The following PDZRN4 variants were observed in gnomAD, a reference collection of about 807,000 sequenced individuals.
PDZRN4 encodes the protein PDZ domain-containing RING finger protein 4.
A neutral mutation model predicts 99.0 loss-of-function variants in PDZRN4; 70 were observed. The observed-to-expected ratio is 0.71, with a 90% CI of 0.58 to 0.86. PDZRN4 has a LOEUF of 0.86. PDZRN4 is among the 40% of genes least tolerant of loss of function. PDZRN4 has a pLI of 0.00. For missense variants in PDZRN4, 1,474 were observed against 1,331.2 expected, an observed-to-expected ratio of 1.11 and a Z score of -1.67; for synonymous variants, 551 against 501.6, an observed-to-expected ratio of 1.10 and a Z score of -1.32.
Position 41,574,393 on chromosome 12 carries a change from A to G in PDZRN4, c.*503A>G, listed in dbSNP as rs935841578. On this transcript the variant is annotated 3_prime_UTR_variant, in exon 10 of 10. Transcript: ENST00000402685. The stretch of plus-strand genomic sequence containing the variant: ...TAAAAGCCACTGCTTTTAACATCCC[A>G]TTGTACATTTAACACATAAATGGTG... 1 of 152,894 alleles carries G rather than the reference A, an allele frequency of 6.5e-6. No individual in the cohort carries two copies. The highest frequency in any genetic ancestry group is 1.9e-4 in the East Asian group (1 of 5,204). The allele number at this position is 152,894 out of a possible 1,614,324, so 9.5% of individuals were successfully genotyped here.
intron 5 of PDZRN4, among the ~76,000 whole-genome samples, chr12:41,551,059 CA>C (rs1216392292): frequency 6.6e-6 from 1 of 152,088 alleles, no homozygotes; most frequent in Non-Finnish European, 1.5e-5. Context: ...GCTGCTATAA[CA>C]AAATACCATG....
At chr12:41,322,490 T>TTTC (rs1951686075) in intron 3 of PDZRN4, among the ~76,000 whole-genome samples, 1 of 80,714 alleles carries the variant, frequency 1.2e-5, no homozygotes, top group South Asian at 5.1e-4. Context: ...TTCTTTCCTT[T>TTTC]TTTTTTTTTT....
chr12:41,268,084 A>G (rs1461535595), intron 3 of PDZRN4, among the ~76,000 whole-genome samples: 1 of 152,032 alleles, frequency 6.6e-6, no homozygotes, highest in African/African-American at 2.4e-5. Flanking sequence ...GGTTTCTGTT[A>G]TACTAAGTTC....
chr12:41,350,194 C>A (rs1361496954), intron 3 of PDZRN4, among the ~76,000 whole-genome samples: 1 of 152,004 alleles, frequency 6.6e-6, no homozygotes, highest in Non-Finnish European at 1.5e-5. Context: ...AGACATATCC[C>A]CTGCTATCAA....
At chr12:41,499,569 A>G (rs1938074218) in intron 3 of PDZRN4, among the ~76,000 whole-genome samples, 2 of 152,094 alleles carry the variant, frequency 1.3e-5, no homozygotes, top group Non-Finnish European at 2.9e-5. Context: ...GGAAGAGAAA[A>G]TACAGAAGGA....
At chr12:41,259,331 C>G (rs1022849820) in intron 3 of PDZRN4, among the ~76,000 whole-genome samples, 3 of 151,892 alleles carry the variant, frequency 2.0e-5, no homozygotes, top group Non-Finnish European at 4.4e-5. Context: ...AATACAAATA[C>G]ATAGAAAGAA....
intron 3 of PDZRN4, among the ~76,000 whole-genome samples, chr12:41,382,049 A>C (rs1185769666): frequency 2.0e-5 from 3 of 152,080 alleles, no homozygotes; most frequent in African/African-American, 4.8e-5. Flanking sequence ...TGAGCTCTGC[A>C]TTCAGGCTTG....
intron 3 of PDZRN4, among the ~76,000 whole-genome samples, chr12:41,487,827 G>T (rs1937804222): frequency 6.6e-6 from 1 of 152,150 alleles, no homozygotes; most frequent in Non-Finnish European, 1.5e-5. Context: ...AATGTCTACT[G>T]CTTCTTAAAG....
intron 3 of PDZRN4, among the ~76,000 whole-genome samples, chr12:41,331,765 T>G (rs1263536490): frequency 6.6e-6 from 1 of 152,038 alleles, no homozygotes; most frequent in African/African-American, 2.4e-5. Flanking sequence ...CACCTCTTTA[T>G]AGGGCGGCAG....
intron 5 of PDZRN4, among the ~76,000 whole-genome samples, chr12:41,539,634 A>T (rs973927259): frequency 6.6e-6 from 1 of 152,172 alleles, no homozygotes; most frequent in African/African-American, 2.4e-5. Context: ...CTGCTTCAGT[A>T]ACCAGCTGAT....
chr12:41,234,367 A>G (rs1189667641), intron 3 of PDZRN4, among the ~76,000 whole-genome samples: 1 of 152,152 alleles, frequency 6.6e-6, no homozygotes, highest in Non-Finnish European at 1.5e-5. Context: ...GTTATCTTAG[A>G]AAAGTTCAAA....
chr12:41,525,384 G>A (rs1172262862), intron 5 of PDZRN4, among the ~76,000 whole-genome samples: 2 of 152,082 alleles, frequency 1.3e-5, no homozygotes, highest in Non-Finnish European at 2.9e-5. Flanking sequence ...CTGACACTCA[G>A]GTTCTTTACC....
intron 3 of PDZRN4, among the ~76,000 whole-genome samples, chr12:41,401,636 G>A (rs1274190866): frequency 6.6e-6 from 1 of 152,018 alleles, no homozygotes; most frequent in Non-Finnish European, 1.5e-5. Context: ...TTGTGCAAAT[G>A]CTTCCATACT....
chr12:41,189,255 T>G (rs1483086120), intron 1 of PDZRN4, among the ~76,000 whole-genome samples, 152 bp downstream of exon 1: 1 of 152,134 alleles, frequency 6.6e-6, no homozygotes. Context: ...TTTCCTGTCA[T>G]TATCTTACGA....
chr12:41,452,638 C>T (rs1359796875), intron 3 of PDZRN4, among the ~76,000 whole-genome samples: 1 of 151,972 alleles, frequency 6.6e-6, no homozygotes, highest in African/African-American at 2.4e-5. Flanking sequence ...CCCACAGAGT[C>T]AAACTCTTTA....
intron 3 of PDZRN4, among the ~76,000 whole-genome samples, chr12:41,421,433 T>C (rs1291622927): frequency 1.3e-5 from 2 of 152,158 alleles, no homozygotes; most frequent in Non-Finnish European, 2.9e-5. Context: ...CCTCAGATGA[T>C]CCACCTACCT....
Position 41,195,084 on chromosome 12 carries a change from G to A in PDZRN4, c.843+896G>A, listed in dbSNP as rs2120645815. Among the ~76,000 whole-genome samples the A allele has an allele frequency of 1.3e-5, 2 of 152,176 alleles. 1 individual carries two copies. The highest frequency in any genetic ancestry group is 4.2e-4 in the South Asian group (2 of 4,818). Reference sequence around the variant, plus strand: ...GTTTTAACTGTATTGTTGTATTCGGGGGTGATAAAGTGAGCACCTATATGC... The same window carrying A: ...GTTTTAACTGTATTGTTGTATTCGGAGGTGATAAAGTGAGCACCTATATGC... On this transcript the variant is annotated intron_variant, in intron 3 of 9. Coordinates refer to ENST00000402685, the MANE Select transcript of PDZRN4 (RefSeq NM_001164595.2).
intron 3 of PDZRN4, among the ~76,000 whole-genome samples, chr12:41,315,900 C>T (rs1441032180): frequency 1.3e-5 from 2 of 152,076 alleles, no homozygotes; most frequent in African/African-American, 4.8e-5. Flanking sequence ...ATTCTCCAGT[C>T]TGAAATCTCC....
intron 3 of PDZRN4, among the ~76,000 whole-genome samples, chr12:41,230,710 C>T (rs773632314): frequency 4.6e-5 from 7 of 151,932 alleles, no homozygotes; most frequent in African/African-American, 7.2e-5. Flanking sequence ...GAAAATTTTT[C>T]GTCTTTTTTG....
Sources: gnomAD v4.1 joint callset for allele counts (sites outside exome capture counted in the v4.1 genomes callset) on GRCh38, gnomAD v4.1.1 for gene constraint, MANE v1.5 for transcripts, NCBI Gene and HGNC (gene_info 2026-07-23, HGNC 2026-07-21) for gene names.